The following STMND1 variants were observed in gnomAD, a reference collection of about 807,000 sequenced individuals.
STMND1 encodes the protein stathmin domain containing 1, also known as stathmin domain-containing protein 1.
In STMND1, 17 loss-of-function variants were observed where a neutral mutation model predicts 23.0. That is an observed-to-expected ratio of 0.74 (90% CI 0.51 to 1.11). The LOEUF (loss-of-function observed/expected upper bound fraction) is 1.11, where lower values mean the gene tolerates loss of function less well. STMND1 is among the 50% of genes least tolerant of loss of function. STMND1 has a pLI of 0.00. For missense variants in STMND1, 305 were observed against 329.1 expected (o/e 0.93, Z 0.57); for synonymous variants, 114 against 119.9 (o/e 0.95, Z 0.32).
At position 17,131,231 on chromosome 6, in the gene STMND1, G is replaced by A. The variant is rs1252872457; in HGVS notation, c.*350G>A. Reference sequence around the variant, plus strand: ...TCCTTCCTGTTTACTCCTGCCTTGTGGCGGGGTCCATCCTCTGCTGCTCCT... The same window carrying A: ...TCCTTCCTGTTTACTCCTGCCTTGTAGCGGGGTCCATCCTCTGCTGCTCCT... On this transcript the variant is annotated 3_prime_UTR_variant, in exon 5 of 5. Coordinates refer to ENST00000536551, the MANE Select transcript of STMND1 (RefSeq NM_001190766.2). 4.9e-6 allele frequency: 1 copy of A among 204,716 alleles called. No individual in the cohort carries two copies. The highest frequency in any genetic ancestry group is 9.7e-6 in the Non-Finnish European group (1 of 103,228). The allele number at this position is 204,716 out of a possible 1,614,324, so 12.7% of individuals were successfully genotyped here. A position where few individuals can be genotyped will look rare whatever the true frequency, so the allele number is the denominator to read the frequency against.
At chr6:17,130,340 G>T (rs554564335) in intron 4 of STMND1, among the ~76,000 whole-genome samples, 1 of 152,276 alleles carries the variant, frequency 6.6e-6, no homozygotes, top group African/African-American at 2.4e-5. Context: ...GCCAGACCCA[G>T]CCTTCACAGC....
intron 2 of STMND1, among the ~76,000 whole-genome samples, chr6:17,117,351 G>T (rs1005725371): frequency 2.3e-4 from 35 of 152,086 alleles, no homozygotes; most frequent in African/African-American, 7.7e-4. Context: ...TTACAGGTGT[G>T]AGCCACCATG....
intron 3 of STMND1, among the ~76,000 whole-genome samples, chr6:17,127,683 C>A (rs1761326861): frequency 6.6e-6 from 1 of 152,088 alleles, no homozygotes; most frequent in Non-Finnish European, 1.5e-5. Context: ...TTTCTTGGTA[C>A]CTATAGCATT....
chr6:17,128,379 AAT>A (rs947407815), intron 3 of STMND1: 2 of 152,234 alleles, frequency 1.3e-5, no homozygotes, highest in Non-Finnish European at 2.9e-5. Context: ...AACCAGAAGC[AAT>A]GAGAACTAAT....
At chr6:17,116,412 T>A (rs554882071) in intron 2 of STMND1, among the ~76,000 whole-genome samples, 30 of 152,300 alleles carry the variant, frequency 2.0e-4, no homozygotes, top group African/African-American at 6.0e-4. Context: ...TCCTCCTTTT[T>A]GTGTCTCTGC....
chr6:17,104,018 T>C (rs1392158962), intron 1 of STMND1, among the ~76,000 whole-genome samples: 1 of 152,166 alleles, frequency 6.6e-6, no homozygotes. Context: ...GTCCCTCTAA[T>C]GTCATCCTCT....
Position 17,115,015 on chromosome 6 carries a change from T to C in STMND1, c.135T>C (p.Ala45=). ...AAAATTGCAGCCCCCGGATGGAAGCTGCTCTGACCAAGAATACTGTGGACA... is the reference window on the plus strand; with the variant it reads ...AAAATTGCAGCCCCCGGATGGAAGCCGCTCTGACCAAGAATACTGTGGACA... ...TGENCSPRME[A]ALTKNTVDIA... Residue 45 remains alanine, a synonymous_variant, in exon 2 of 5, where the codon GCT becomes GCC. Transcript: ENST00000536551. 2 of 1,535,076 alleles carry C rather than the reference T, an allele frequency of 1.3e-6. No homozygotes were observed. Among genetic ancestry groups the C allele is most frequent in the Non-Finnish European group, 1.7e-6 (2 of 1,146,434 alleles).
intron 2 of STMND1, among the ~76,000 whole-genome samples, chr6:17,118,548 A>C (rs1761189160): frequency 6.6e-6 from 1 of 152,258 alleles, no homozygotes; most frequent in African/African-American, 2.4e-5. Context: ...ATATTCCAGG[A>C]ATCTCTGTAT....
Position 17,130,717 on chromosome 6 carries a change from A to G in STMND1, c.667A>G (p.Arg223Gly). The G allele has an allele frequency of 6.5e-7, 1 of 1,536,088 alleles. No individual in the cohort carries two copies. The highest frequency in any genetic ancestry group is 8.7e-7 in the Non-Finnish European group (1 of 1,146,896). Residue 223 changes from arginine to glycine, a missense_variant, in exon 5 of 5, where the codon AGG becomes GGG. Coordinates refer to ENST00000536551, the MANE Select transcript of STMND1 (RefSeq NM_001190766.2). ...VAFAKGLQRV[R>G]SAGFEPSDLQ... ...ATTTGCCAAAGGACTTCAAAGGGTG[A>G]GGTCTGCTGGATTTGAACCATCTGA...
intron 3 of STMND1, among the ~76,000 whole-genome samples, chr6:17,122,328 A>G (rs944887647): frequency 2.7e-5 from 4 of 150,658 alleles, no homozygotes; most frequent in African/African-American, 9.8e-5. Context: ...AGAGAAAGCG[A>G]AAAAAAAAGA....
chr6:17,124,869 T>C (rs544593484), intron 3 of STMND1, among the ~76,000 whole-genome samples: 33 of 151,188 alleles, frequency 2.2e-4, no homozygotes, highest in Non-Finnish European at 2.8e-4. Context: ...CATGGTGGTG[T>C]GCACCTGTAG....
intron 1 of STMND1, among the ~76,000 whole-genome samples, chr6:17,103,409 A>G (rs1324018383): frequency 2.0e-5 from 3 of 152,056 alleles, no homozygotes; most frequent in Non-Finnish European, 4.4e-5. Flanking sequence ...CTTGGAGTAC[A>G]TTTTGAAACA....
chr6:17,126,939 TGGGTCTCCACTATGTGCTG>T (rs2113494356), intron 3 of STMND1, among the ~76,000 whole-genome samples: 1 of 152,352 alleles, frequency 6.6e-6, no homozygotes, highest in Admixed American at 6.5e-5. Context: ...AAGAGCTGCC[TGGGTCTCCACTATGTGCTG>T]GGCATTCCTG....
At chr6:17,129,768 C>A (rs55933828) in intron 4 of STMND1, among the ~76,000 whole-genome samples, 1 of 151,302 alleles carries the variant, frequency 6.6e-6, no homozygotes, top group African/African-American at 2.4e-5. Context: ...GGCGTGAACC[C>A]GGGAGGCAGA....
At position 17,102,413 on chromosome 6, in the gene STMND1, G is replaced by A. The variant is rs1581363150; in HGVS notation, c.81+75G>A. On this transcript the variant is annotated intron_variant, in intron 1 of 4. Coordinates refer to ENST00000536551, the MANE Select transcript of STMND1 (RefSeq NM_001190766.2). Reference sequence around the variant, plus strand: ...GCCTGGGAGGTCTCGCGATTCCCACGCTTGGGGGCGACAAGAGTTGGCTGG... The same window carrying A: ...GCCTGGGAGGTCTCGCGATTCCCACACTTGGGGGCGACAAGAGTTGGCTGG... 4.0e-6 allele frequency: 6 copies of A among 1,508,654 alleles called. No individual in the cohort carries two copies. The Admixed American group carries it at 7.9e-5, about 20-fold the overall frequency. 93.5% of individuals were successfully genotyped at this position (1,508,654 alleles called of 1,614,324 possible). A position where few individuals can be genotyped will look rare whatever the true frequency, so the allele number is the denominator to read the frequency against.
chr6:17,104,341 G>T (rs1468537477), intron 1 of STMND1, among the ~76,000 whole-genome samples: 1 of 151,218 alleles, frequency 6.6e-6, no homozygotes, highest in Non-Finnish European at 1.5e-5. Context: ...TATTTATTTT[G>T]CTGGCCTGAT....
At chr6:17,102,382 C>A (rs1168254239) in intron 1 of STMND1, 44 bp downstream of exon 1, 5 of 1,531,066 alleles carry the variant, frequency 3.3e-6, no homozygotes, top group East Asian at 2.5e-5. Context: ...AGACAGAAAG[C>A]CTTTTGCCTG....
intron 3 of STMND1, 73 bp downstream of exon 3, chr6:17,120,831 A>T (rs1161745717): frequency 3.3e-6 from 4 of 1,220,360 alleles, no homozygotes; most frequent in South Asian, 1.6e-5. Flanking sequence ...ATGAGTCATT[A>T]TTTCCAGCAT....
rs1379573661 is a variant in STMND1 at position 17,131,303 on chromosome 6, A to G, written c.*422A>G. ...TGTATTAAGTATTTTAATGGCTTAT[A>G]TGTTTTTTATGCTGTATGTCTATGG... is the stretch of plus-strand genomic sequence containing the variant. On this transcript the variant is annotated 3_prime_UTR_variant, in exon 5 of 5. Coordinates refer to ENST00000536551, the MANE Select transcript of STMND1 (RefSeq NM_001190766.2). 1.3e-5 allele frequency: 2 copies of G among 157,722 alleles called. No homozygotes were observed. The highest frequency in any genetic ancestry group is 2.8e-5 in the Non-Finnish European group (2 of 72,068). The allele number at this position is 157,722 out of a possible 1,614,324, so 9.8% of individuals were successfully genotyped here.
Sources: allele counts gnomAD v4.1 joint callset (sites outside exome capture counted in the v4.1 genomes callset), GRCh38; gene constraint gnomAD v4.1.1; transcripts MANE v1.5; gene names NCBI Gene and HGNC (gene_info 2026-07-23, HGNC 2026-07-21).